C8orf34: variants seen among roughly 807,000 people sequenced by gnomAD.
C8orf34 encodes the protein uncharacterized protein C8orf34.
A neutral mutation model predicts 68.3 loss-of-function variants in C8orf34; 65 were observed. The ratio of observed to expected loss-of-function variants is 0.95; its 90% CI spans 0.78 to 1.17. The LOEUF (loss-of-function observed/expected upper bound fraction) is 1.17. Among genes scored for constraint, C8orf34 ranks in the 50% most tolerant of loss-of-function variants. The probability of loss-of-function intolerance (pLI) is 0.00; values close to 1 mark genes in which losing one functional copy is unlikely to be tolerated. For missense variants in C8orf34, 664 were observed against 655.4 expected (o/e 1.01, Z -0.14); for synonymous variants, 244 against 241.2 (o/e 1.01, Z -0.11).
At chr8:68,431,362 A>G (rs930473184) in intron 1 of C8orf34, among the ~76,000 whole-genome samples, 3 of 152,214 alleles carry the variant, frequency 2.0e-5, no homozygotes, top group African/African-American at 4.8e-5. Context: ...GGGAACTTCT[A>G]TATACATCTG....
intron 10 of C8orf34, among the ~76,000 whole-genome samples, chr8:68,733,359 C>T (rs955655844): frequency 7.2e-5 from 11 of 152,178 alleles, no homozygotes; most frequent in African/African-American, 2.2e-4. Flanking sequence ...ACCTACTCCA[C>T]GTTCGCCAAA....
intron 11 of C8orf34, among the ~76,000 whole-genome samples, chr8:68,779,180 A>AACACAC (rs10550333): frequency 1.5e-3 from 208 of 139,242 alleles, no homozygotes; most frequent in East Asian, 6.9e-3. Flanking sequence ...CTGTCTCTGA[A>AACACAC]ACACACACAC....
chr8:68,471,067 C>G lies in C8orf34; in HGVS notation c.736+2247C>G, dbSNP rs1446107242. Among the ~76,000 whole-genome samples the G allele has an allele frequency of 3.3e-5, 5 of 152,032 alleles. No individual in the cohort carries two copies. In the East Asian group the frequency reaches 7.7e-4, roughly 23 times the overall value. On this transcript the variant is annotated intron_variant, in intron 4 of 13. Coordinates refer to ENST00000518698, the MANE Select transcript of C8orf34 (RefSeq NM_052958.4). ...GAAGAGATACAGGTATAGGACATTA[C>G]TCTTGGGATAAAATAAGGGCCAGAA...
chr8:68,748,511 A>C (rs1822584821), intron 10 of C8orf34, among the ~76,000 whole-genome samples: 1 of 152,040 alleles, frequency 6.6e-6, no homozygotes. Flanking sequence ...AATATCCAGA[A>C]TCTACAATGA....
At chr8:68,692,964 A>C (rs1820726299) in intron 8 of C8orf34, among the ~76,000 whole-genome samples, 1 of 152,136 alleles carries the variant, frequency 6.6e-6, no homozygotes, top group Non-Finnish European at 1.5e-5. Flanking sequence ...GACATCTAGA[A>C]AGAGATAAGG....
chr8:68,341,934 G>T (rs1480236150), intron 1 of C8orf34, among the ~76,000 whole-genome samples: 1 of 152,182 alleles, frequency 6.6e-6, no homozygotes, highest in Non-Finnish European at 1.5e-5. Context: ...TGAGGAGAAA[G>T]ATTGGAAGAT....
At chr8:68,645,554 G>A in intron 8 of C8orf34, among the ~76,000 whole-genome samples, 1 of 151,958 alleles carries the variant, frequency 6.6e-6, no homozygotes, top group African/African-American at 2.4e-5. Flanking sequence ...CAATGTTTTT[G>A]TTTGTTTGTT....
At chr8:68,733,332 T>TG (rs1822035676) in intron 10 of C8orf34, among the ~76,000 whole-genome samples, 1 of 152,178 alleles carries the variant, frequency 6.6e-6, no homozygotes, top group African/African-American at 2.4e-5. Flanking sequence ...TTTGTAAGCC[T>TG]GGGGAGCCAG....
intron 10 of C8orf34, among the ~76,000 whole-genome samples, chr8:68,751,062 AG>A (rs1174395054): frequency 2.0e-5 from 3 of 152,156 alleles, no homozygotes; most frequent in Non-Finnish European, 2.9e-5. Flanking sequence ...CGTGCACAAA[AG>A]AATAGCAAAA....
chr8:68,336,007 A>G (rs1805832222), intron 1 of C8orf34, among the ~76,000 whole-genome samples: 1 of 152,158 alleles, frequency 6.6e-6, no homozygotes, highest in South Asian at 2.1e-4. Context: ...GAATTGCTTG[A>G]ACCCAGGAAG....
intron 1 of C8orf34, among the ~76,000 whole-genome samples, chr8:68,418,727 G>T (rs1288366439): frequency 6.6e-6 from 1 of 152,014 alleles, no homozygotes; most frequent in South Asian, 2.1e-4. Context: ...ACAAGCAATG[G>T]GGAAAGGATT....
intron 10 of C8orf34, among the ~76,000 whole-genome samples, chr8:68,724,282 ACT>A (rs1180286971): frequency 1.4e-4 from 22 of 152,234 alleles, no homozygotes; most frequent in African/African-American, 4.8e-4. Context: ...GAACAAAGAA[ACT>A]CTTTTTCTTT....
At chr8:68,755,199 A>C (rs1202490884) in intron 10 of C8orf34, among the ~76,000 whole-genome samples, 4 of 152,202 alleles carry the variant, frequency 2.6e-5, no homozygotes, top group Non-Finnish European at 5.9e-5. Flanking sequence ...ACTGCATTCA[A>C]ACTAAAGCCC....
chr8:68,587,561 A>T (rs1817245016), intron 7 of C8orf34, among the ~76,000 whole-genome samples: 1 of 152,144 alleles, frequency 6.6e-6, no homozygotes, highest in South Asian at 2.1e-4. Context: ...GGAAAGATAG[A>T]TAAGCATTGT....
chr8:68,683,557 G>C (rs1820428757), intron 8 of C8orf34, among the ~76,000 whole-genome samples: 1 of 151,962 alleles, frequency 6.6e-6, no homozygotes, highest in Non-Finnish European at 1.5e-5. Flanking sequence ...ACAAATAACT[G>C]TGATATATAC....
intron 12 of C8orf34, among the ~76,000 whole-genome samples, chr8:68,788,868 A>C (rs944203946): frequency 1.3e-5 from 2 of 152,214 alleles, no homozygotes; most frequent in South Asian, 4.2e-4. Context: ...AAAAAAAAAA[A>C]GATAACAACT....
At chr8:68,791,076 G>A in intron 12 of C8orf34, 1 of 584,618 alleles carries the variant, frequency 1.7e-6, no homozygotes, top group Non-Finnish European at 3.0e-6. Flanking sequence ...AAATATACAT[G>A]GAGAAGACAT....
chr8:68,608,601 G>T (rs935107877), intron 7 of C8orf34, among the ~76,000 whole-genome samples: 1 of 151,586 alleles, frequency 6.6e-6, no homozygotes, highest in African/African-American at 2.4e-5. Context: ...AAGAAATTGA[G>T]AATCAGGCAG....
intron 7 of C8orf34, among the ~76,000 whole-genome samples, chr8:68,553,456 C>G (rs943462498): frequency 6.9e-6 from 1 of 144,686 alleles, no homozygotes; most frequent in Non-Finnish European, 1.5e-5. Context: ...AACACCAGTA[C>G]AAATTCTTTA....
Sources: allele counts gnomAD v4.1 joint callset (sites outside exome capture counted in the v4.1 genomes callset), GRCh38; gene constraint gnomAD v4.1.1; transcripts MANE v1.5; gene names NCBI Gene and HGNC (gene_info 2026-07-23, HGNC 2026-07-21).